The following ESPNL variants were observed in gnomAD, a reference collection of about 807,000 sequenced individuals.
ESPNL encodes espin-like protein.
In ESPNL, 49 loss-of-function variants were observed where a neutral mutation model predicts 46.8. The observed-to-expected ratio is 1.05, with a 90% CI of 0.83 to 1.33. The LOEUF (loss-of-function observed/expected upper bound fraction) is 1.33. Ranked by LOEUF, ESPNL falls within the 40% of genes most tolerant of loss-of-function variation. The probability of loss-of-function intolerance (pLI) is 0.00; values close to 1 mark genes in which losing one functional copy is unlikely to be tolerated. For missense variants in ESPNL, 1,540 were observed against 1,436.6 expected (o/e 1.07, Z -1.16); for synonymous variants, 664 against 662.1 (o/e 1.00, Z -0.04).
In ESPNL at chr2:238,119,560, A is replaced by AGGTGGGT. The variant is rs1469429666; in HGVS notation, c.987+2528_987+2529insTGGGTGG. 2.4e-5 allele frequency among the ~76,000 whole-genome samples: 2 copies of AGGTGGGT among 82,822 alleles called. 1 individual carries two copies. Among genetic ancestry groups the AGGTGGGT allele is most frequent in the African/African-American group, 1.1e-4 (2 of 17,720 alleles). The allele number at this position is 82,822 out of a possible 152,430, so 54.3% of individuals were successfully genotyped here. A position where few individuals can be genotyped will look rare whatever the true frequency, so the allele number is the denominator to read the frequency against. On this transcript the variant is annotated intron_variant, in intron 5 of 8. Coordinates refer to ENST00000343063, the MANE Select transcript of ESPNL (RefSeq NM_194312.4). ...GGTGGATGGAGGAGGTGGATGAAGGAGGAATGGATGGAGGAGGTGGATGGA... is the reference window on the plus strand; with the variant it reads ...GGTGGATGGAGGAGGTGGATGAAGGAGGTGGGTGGAATGGATGGAGGAGGTGGATGGA...
At chr2:238,123,841 G>A (rs767748136) in intron 5 of ESPNL, among the ~76,000 whole-genome samples, 1 of 152,230 alleles carries the variant, frequency 6.6e-6, no homozygotes, top group Non-Finnish European at 1.5e-5. Flanking sequence ...GGGCCGGGCA[G>A]ATGGGCTTTC....
chr2:238,131,959 T>A lies in ESPNL; in HGVS notation c.*227T>A. The A allele has an allele frequency of 1.9e-6, 1 of 517,286 alleles. No individual in the cohort carries two copies. 32.0% of individuals were successfully genotyped at this position (517,286 alleles called of 1,614,324 possible). ...ACCCAGGAAGCCCCTTGGCAGGTCC[T>A]GAAGTGAGGCAATGGGCCACCCCAG... On this transcript the variant is annotated 3_prime_UTR_variant, in exon 9 of 9. Transcript: ENST00000343063.
At chr2:238,123,712 C>A (rs1348886569) in intron 5 of ESPNL, among the ~76,000 whole-genome samples, 1 of 152,248 alleles carries the variant, frequency 6.6e-6, no homozygotes, top group Non-Finnish European at 1.5e-5. Context: ...GCTCCCTGCA[C>A]TCTGCAGTTC....
rs1692309329 is a variant in ESPNL at position 238,130,969 on chromosome 2, C to G, written c.2255C>G (p.Ser752Trp). The change falls in exon 9 of 9, where the codon TCG becomes TGG. Residue 752 changes from serine to tryptophan, a missense_variant. Physicochemically the swap from Ser to Trp is radical, Grantham distance 177 (BLOSUM62 -3). Transcript: ENST00000343063. The part of the protein sequence containing the change: ...IMLFLSHWRR[S>W]AYTPALKTVA... ...CTCTTCCTCAGCCACTGGAGGAGAT[C>G]GGCCTACACGCCGGCCCTCAAGACA... is the stretch of plus-strand genomic sequence containing the variant. 6.5e-7 allele frequency: 1 copy of G among 1,548,852 alleles called. No homozygotes were observed. The highest frequency in any genetic ancestry group is 2.4e-5 in the East Asian group (1 of 41,136).
chr2:238,115,580 C>T (rs957096172), intron 4 of ESPNL, among the ~76,000 whole-genome samples: 3 of 152,256 alleles, frequency 2.0e-5, no homozygotes, highest in Non-Finnish European at 4.4e-5. Context: ...CACATGCATG[C>T]TGAACCTGTA....
At position 238,109,097 on chromosome 2, in the gene ESPNL, A is replaced by C. The variant is rs1442645360; in HGVS notation, c.855+1124A>C. Among the ~76,000 whole-genome samples the C allele has an allele frequency of 3.3e-5, 5 of 151,998 alleles. No homozygotes were observed. In the East Asian group the frequency reaches 9.7e-4, roughly 29 times the overall value. ...GAGATAGGAAGTGGGGGGAGGGGTG[A>C]CCCGCAGGCCCTGGGAGGCATGTCC... is the stretch of plus-strand genomic sequence containing the variant. On this transcript the variant is annotated intron_variant, in intron 4 of 8. Coordinates refer to ENST00000343063, the MANE Select transcript of ESPNL (RefSeq NM_194312.4).
rs1317745970 is a variant in ESPNL at position 238,126,386 on chromosome 2, GTC to G, written c.1102+1006_1102+1007del. Among the ~76,000 whole-genome samples the G allele has an allele frequency of 1.1e-3, 172 of 151,424 alleles. 1 individual carries two copies. The highest frequency in any genetic ancestry group is 4.1e-3 in the African/African-American group (168 of 41,304). On this transcript the variant is annotated intron_variant, in intron 6 of 8. Coordinates refer to ENST00000343063, the MANE Select transcript of ESPNL (RefSeq NM_194312.4). ...TCTGTGTGTGTCTTTGTGATTGTGTGTCTCTGTATGATTATGCCTGTGTATGT... is the reference window on the plus strand; with the variant it reads ...TCTGTGTGTGTCTTTGTGATTGTGTGTCTGTATGATTATGCCTGTGTATGT...
chr2:238,115,093 C>G (rs1393666011), intron 4 of ESPNL, among the ~76,000 whole-genome samples: 1 of 151,918 alleles, frequency 6.6e-6, no homozygotes, highest in Non-Finnish European at 1.5e-5. Context: ...TGGCTCTGGT[C>G]TTGTGGCGGT....
chr2:238,103,687 CAG>C (rs1368298265), intron 2 of ESPNL, among the ~76,000 whole-genome samples: 1 of 152,230 alleles, frequency 6.6e-6, no homozygotes, highest in Non-Finnish European at 1.5e-5. Context: ...GGACACCTGG[CAG>C]AGTCTGGTGA....
chr2:238,102,526 G>A (rs367784382), intron 2 of ESPNL, among the ~76,000 whole-genome samples: 1 of 152,190 alleles, frequency 6.6e-6, no homozygotes, highest in African/African-American at 2.4e-5. Context: ...GACAGGAGTG[G>A]GGACTGTCTA....
At chr2:238,117,485 ATGTGGG>A (rs1691842844) in intron 5 of ESPNL, among the ~76,000 whole-genome samples, 1 of 151,886 alleles carries the variant, frequency 6.6e-6, no homozygotes, top group African/African-American at 2.4e-5. Flanking sequence ...GATGTGGGTG[ATGTGGG>A]TGATGTATGT....
rs547446172 is a variant in ESPNL at position 238,114,631 on chromosome 2, G to A, written c.856-2272G>A. Reference sequence around the variant, plus strand: ...CTTCTGGGCCTCCAGGAGCCTTCAGGCGTTATCTGGTTCAAGCCTCCCAGC... The same window carrying A: ...CTTCTGGGCCTCCAGGAGCCTTCAGACGTTATCTGGTTCAAGCCTCCCAGC... On this transcript the variant is annotated intron_variant, in intron 4 of 8. Coordinates refer to ENST00000343063, the MANE Select transcript of ESPNL (RefSeq NM_194312.4). This position sits in a 1 kb window ranked among gnomAD's most constrained non-coding sequence, Gnocchi z 5.0. Among the ~76,000 whole-genome samples, 1 of 152,350 alleles carries A rather than the reference G, an allele frequency of 6.6e-6. No homozygotes were observed. The highest frequency in any genetic ancestry group is 2.4e-5 in the African/African-American group (1 of 41,582).
chr2:238,124,323 C>T lies in ESPNL; in HGVS notation c.988-947C>T, dbSNP rs576677995. On this transcript the variant is annotated intron_variant, in intron 5 of 8. Coordinates refer to ENST00000343063, the MANE Select transcript of ESPNL (RefSeq NM_194312.4). ...ACAGTGGGGGAGGTGCCCAGAGGGA[C>T]GGTGGCATGCGGCCCTGCTGGCTGG... Among the ~76,000 whole-genome samples the T allele has an allele frequency of 8.5e-5, 13 of 152,180 alleles. No individual in the cohort carries two copies. In the South Asian group the frequency reaches 1.9e-3, roughly 22 times the overall value.
Position 238,130,955 on chromosome 2 carries a change from C to G in ESPNL, c.2241C>G (p.Ser747Arg), listed in dbSNP as rs970214151. Residue 747 changes from serine (S) to arginine (R), a missense_variant, in exon 9 of 9, where the codon AGC (serine) becomes AGG (arginine). Ser to Arg is a moderately radical substitution (Grantham distance 110). Coordinates refer to ENST00000343063, the MANE Select transcript of ESPNL (RefSeq NM_194312.4). ...AGCGCATCATCATGCTCTTCCTCAG[C>G]CACTGGAGGAGATCGGCCTACACGC... ...RKERIIMLFLSHWRRSAYTPA... is the reference protein window; with the variant it reads ...RKERIIMLFLRHWRRSAYTPA... 3.2e-6 allele frequency: 5 copies of G among 1,549,882 alleles called. No individual in the cohort carries two copies. The highest frequency in any genetic ancestry group is 4.4e-6 in the Non-Finnish European group (5 of 1,147,678).
intron 5 of ESPNL, among the ~76,000 whole-genome samples, chr2:238,124,178 C>T (rs958111801): frequency 1.3e-5 from 2 of 152,216 alleles, no homozygotes; most frequent in Non-Finnish European, 2.9e-5. Flanking sequence ...GAATCGTGGC[C>T]GATTTGAGTG....
At chr2:238,116,024 G>A (rs1204029104) in intron 4 of ESPNL, among the ~76,000 whole-genome samples, 3 of 152,262 alleles carry the variant, frequency 2.0e-5, no homozygotes, top group Non-Finnish European at 4.4e-5. Context: ...CAAAGATGCT[G>A]AGGCCCAGCT....
chr2:238,116,200 A>G (rs1267135993), intron 4 of ESPNL, among the ~76,000 whole-genome samples: 2 of 152,140 alleles, frequency 1.3e-5, no homozygotes, highest in African/African-American at 4.8e-5. Flanking sequence ...CCCTCTTCCA[A>G]CTGAATCCTT....
chr2:238,126,771 T>C (rs1349752082), intron 6 of ESPNL, among the ~76,000 whole-genome samples: 1 of 152,006 alleles, frequency 6.6e-6, no homozygotes, highest in East Asian at 1.9e-4. Flanking sequence ...TGTGTATCTG[T>C]GTGTGATTCT....
At position 238,100,411 on chromosome 2, in the gene ESPNL, G is replaced by C; in HGVS notation, c.-9G>C. ...TGCATGAGTCGCCACTGAGAGCCCG[G>C]GCCAGAGGATGGAGAAGCAGCGGGC... On this transcript the variant is annotated 5_prime_UTR_variant, in exon 1 of 9. Transcript: ENST00000343063. 1 of 1,593,022 alleles carries C rather than the reference G, an allele frequency of 6.3e-7. No homozygotes were observed. The highest frequency in any genetic ancestry group is 8.5e-7 in the Non-Finnish European group (1 of 1,173,350).
Sources: allele counts gnomAD v4.1 joint callset (sites outside exome capture counted in the v4.1 genomes callset), GRCh38; gene constraint gnomAD v4.1.1; non-coding constraint Gnocchi (gnomAD v3.1); transcripts MANE v1.5; gene names NCBI Gene and HGNC (gene_info 2026-07-23, HGNC 2026-07-21).